Variants in KLHL3 observed in about 807,000 individuals in gnomAD.
KLHL3 encodes the protein kelch-like protein 3.
KLHL3 carries 19 observed loss-of-function variants against 70.5 expected under a neutral mutation model. The observed-to-expected ratio is 0.27, with a 90% CI of 0.19 to 0.40. The LOEUF (loss-of-function observed/expected upper bound fraction) is 0.40, where lower values mean the gene tolerates loss of function less well. KLHL3 is among the 10% of genes least tolerant of loss of function. The pLI is 1.00. For synonymous variants in KLHL3, 258 were observed against 290.3 expected (o/e 0.89, Z 1.13); for missense variants, 512 against 771.1 (o/e 0.66, Z 3.98).
chr5:137,687,037 C>T (rs1171296607), intron 5 of KLHL3, among the ~76,000 whole-genome samples: 9 of 105,466 alleles, frequency 8.5e-5, no homozygotes, highest in African/African-American at 1.4e-4. Flanking sequence ...GTCAGCCCCC[C>T]GCCCGGCCAG....
chr5:137,628,724 GACAGACAGACATACAT>G lies in KLHL3; in HGVS notation c.1451-303_1451-288del, dbSNP rs1275378392. On this transcript the variant is annotated intron_variant, in intron 12 of 14. Coordinates refer to ENST00000309755, the MANE Select transcript of KLHL3 (RefSeq NM_017415.3). ...ATATATATATATATACACACACACA[GACAGACAGACATACAT>G]ACATACATACATACATACATACATA... is the stretch of plus-strand genomic sequence containing the variant. 2.2e-3 allele frequency: 140 copies of G among 64,458 alleles called. 1 individual carries two copies. The highest frequency in any genetic ancestry group is 3.0e-3 in the South Asian group (5 of 1,684). The allele number at this position is 64,458 out of a possible 1,614,324, so 4.0% of individuals were successfully genotyped here.
At chr5:137,719,027 G>A (rs942828963) in intron 2 of KLHL3, among the ~76,000 whole-genome samples, 5 of 152,198 alleles carry the variant, frequency 3.3e-5, no homozygotes, top group Admixed American at 2.0e-4. Context: ...TGCCTGGAAG[G>A]CTTCTCCCTA....
At chr5:137,626,949 C>T (rs1484761998) in intron 13 of KLHL3, among the ~76,000 whole-genome samples, 2 of 150,774 alleles carry the variant, frequency 1.3e-5, no homozygotes, top group South Asian at 2.1e-4. Flanking sequence ...GTTGCAGAGC[C>T]AAGATTATGC....
At chr5:137,735,612 C>G (rs771122170) in intron 1 of KLHL3, 21 bp downstream of exon 1, 1 of 1,584,572 alleles carries the variant, frequency 6.3e-7, no homozygotes, top group Non-Finnish European at 8.7e-7. Flanking sequence ...CACAACACAG[C>G]ACACACTTAT....
chr5:137,647,609 G>A (rs748177647), intron 8 of KLHL3: 41 of 472,374 alleles, frequency 8.7e-5, no homozygotes, highest in African/African-American at 1.0e-4. Flanking sequence ...GGCAGGAAGC[G>A]AGAGTCTCTC....
At chr5:137,634,257 C>G in intron 11 of KLHL3, 92 bp from the exon 12 acceptor site, 2 of 1,401,902 alleles carry the variant, frequency 1.4e-6, no homozygotes, top group East Asian at 2.4e-5. Context: ...AACTGGGGCA[C>G]CCTTACCTCA....
chr5:137,727,452 G>A (rs570189200), intron 1 of KLHL3, among the ~76,000 whole-genome samples: 9 of 152,248 alleles, frequency 5.9e-5, no homozygotes, highest in African/African-American at 2.2e-4. Flanking sequence ...AAGCCTCACT[G>A]ATTCCTCACT....
At chr5:137,660,492 T>G (rs1751446306) in intron 7 of KLHL3, among the ~76,000 whole-genome samples, 1 of 152,154 alleles carries the variant, frequency 6.6e-6, no homozygotes, top group Non-Finnish European at 1.5e-5. Context: ...GGGGACCTTT[T>G]CTACAGGAAA....
chr5:137,721,983 C>G (rs1270027001), intron 1 of KLHL3, among the ~76,000 whole-genome samples: 1 of 152,204 alleles, frequency 6.6e-6, no homozygotes, highest in African/African-American at 2.4e-5. Flanking sequence ...CTTGGAGTTA[C>G]CGGTTTGATC....
At position 137,709,828 on chromosome 5, in the gene KLHL3, C is replaced by T. The variant is rs1429925828; in HGVS notation, c.163G>A (p.Val55Met). Residue 55 changes from valine to methionine, a missense_variant, in exon 3 of 15, where the codon GTG becomes ATG. By Grantham distance (21) the Val-to-Met change is conservative. Transcript: ENST00000309755. ...SKQLLCDVMI[V>M]AEDVEIEAHR... The stretch of plus-strand genomic sequence containing the variant: ...GCTTCTATCTCGACATCTTCTGCCA[C>T]AATCATCACGTCACACAACAGCTGT... 4.3e-6 allele frequency: 7 copies of T among 1,614,166 alleles called. No homozygotes were observed. Among genetic ancestry groups the T allele is most frequent in the Non-Finnish European group, 5.9e-6 (7 of 1,180,016 alleles).
At chr5:137,631,163 G>A (rs542299051) in intron 12 of KLHL3, among the ~76,000 whole-genome samples, 7 of 148,756 alleles carry the variant, frequency 4.7e-5, no homozygotes, top group Middle Eastern at 7.2e-3. Context: ...CAGTCTTCCC[G>A]CCAGGATCAG....
At chr5:137,716,898 G>T (rs1419261008) in intron 2 of KLHL3, among the ~76,000 whole-genome samples, 1 of 152,172 alleles carries the variant, frequency 6.6e-6, no homozygotes, top group Non-Finnish European at 1.5e-5. Context: ...AAGAGAGGGG[G>T]TCTAACCAAC....
intron 6 of KLHL3, among the ~76,000 whole-genome samples, chr5:137,667,513 A>G (rs1232565139): frequency 6.6e-6 from 1 of 152,216 alleles, no homozygotes; most frequent in African/African-American, 2.4e-5. Flanking sequence ...CCAGCTCACC[A>G]CACTTCAGAT....
At position 137,639,770 on chromosome 5, in the gene KLHL3, C is replaced by T. The variant is rs1750864883; in HGVS notation, c.1021+90G>A. ...AATGGGAGCCTGAAATGCACAGATGCTTGAGGAAACAAGGAGTAGCTCACG... is the reference window on the plus strand; with the variant it reads ...AATGGGAGCCTGAAATGCACAGATGTTTGAGGAAACAAGGAGTAGCTCACG... On this transcript the variant is annotated intron_variant, in intron 9 of 14. Coordinates refer to ENST00000309755, the MANE Select transcript of KLHL3 (RefSeq NM_017415.3). The surrounding 1 kb of genome is among the most constrained non-coding windows in gnomAD (Gnocchi z 5.0). 7.6e-6 allele frequency: 7 copies of T among 916,258 alleles called. No homozygotes were observed. The highest frequency in any genetic ancestry group is 8.9e-6 in the Non-Finnish European group (5 of 562,592). The allele number at this position is 916,258 out of a possible 1,614,324, so 56.8% of individuals were successfully genotyped here.
chr5:137,636,112 G>A (rs1391741760), intron 11 of KLHL3, among the ~76,000 whole-genome samples: 8 of 152,278 alleles, frequency 5.3e-5, no homozygotes, highest in Non-Finnish European at 7.4e-5. Flanking sequence ...GAGATTGCAA[G>A]ATACAATTTA....
At chr5:137,728,888 T>C (rs1410958004) in intron 1 of KLHL3, among the ~76,000 whole-genome samples, 1 of 151,444 alleles carries the variant, frequency 6.6e-6, no homozygotes, top group East Asian at 1.9e-4. Flanking sequence ...ACCTGGGTGA[T>C]GACAGGTACT....
At chr5:137,698,212 T>C in intron 4 of KLHL3, 75 bp downstream of exon 4, 1 of 1,566,258 alleles carries the variant, frequency 6.4e-7, no homozygotes, top group Non-Finnish European at 8.7e-7. Context: ...GTTGTGAGGG[T>C]TAAATAAAAT....
At chr5:137,692,810 A>G (rs1342791232) in intron 4 of KLHL3, 1 of 229,240 alleles carries the variant, frequency 4.4e-6, no homozygotes, top group African/African-American at 2.7e-5. Flanking sequence ...ACTTTGAGTA[A>G]CAAAACTCTA....
chr5:137,648,456 G>A (rs954448176), intron 8 of KLHL3, among the ~76,000 whole-genome samples: 1 of 152,214 alleles, frequency 6.6e-6, no homozygotes, highest in African/African-American at 2.4e-5. Flanking sequence ...TTTCCAAAAG[G>A]TTCATTTGCA....
Sources: gnomAD v4.1 joint callset for allele counts (sites outside exome capture counted in the v4.1 genomes callset) on GRCh38, gnomAD v4.1.1 for gene constraint, Gnocchi (gnomAD v3.1) non-coding constraint, MANE v1.5 for transcripts, NCBI Gene and HGNC (gene_info 2026-07-23, HGNC 2026-07-21) for gene names.